Variants in BCAS3 observed in about 807,000 individuals in gnomAD.
The protein encoded by BCAS3 is BCAS3 microtubule associated cell migration factor.
Under a neutral mutation model 116.1 loss-of-function variants are expected in BCAS3, and 53 were observed. The ratio of observed to expected loss-of-function variants is 0.46; its 90% CI spans 0.37 to 0.57. BCAS3 has a LOEUF of 0.57. Among genes scored for constraint, BCAS3 ranks in the 20% least tolerant of loss-of-function variants. The pLI, the probability that BCAS3 is intolerant of heterozygous loss-of-function variation, is 0.00. For missense variants in BCAS3, 917 were observed against 1,165.4 expected, an observed-to-expected ratio of 0.79 and a Z score of 3.10; for synonymous variants, 391 against 408.2, an observed-to-expected ratio of 0.96 and a Z score of 0.51.
In BCAS3 at chr17:61,198,286, G is replaced by A. The variant is rs1269284584; in HGVS notation, c.2425+113722G>A. 2.6e-5 allele frequency among the ~76,000 whole-genome samples: 4 copies of A among 151,784 alleles called. No homozygotes were observed. In the East Asian group the frequency reaches 5.8e-4, roughly 22 times the overall value. On this transcript the variant is annotated intron_variant, in intron 22 of 23. Coordinates refer to ENST00000407086, the MANE Select transcript of BCAS3 (RefSeq NM_017679.5). This position sits in a 1 kb window ranked among gnomAD's most constrained non-coding sequence, Gnocchi z 5.0. ...CTCCCAAGTAGCTGGGACTACAGGC[G>A]CCAGCCACCACACCCAGCTAATTTT...
chr17:61,382,850 A>G (rs2059673296), intron 23 of BCAS3: 1 of 152,314 alleles, frequency 6.6e-6, no homozygotes. Context: ...CCCTCCAGGG[A>G]CCATTCTGCC....
chr17:60,989,996 A>ACTGT lies in BCAS3; in HGVS notation c.1249_1252dup (p.Arg418LeufsTer52). On this transcript the variant is annotated frameshift_variant, in exon 15 of 24. Coordinates refer to ENST00000407086, the MANE Select transcript of BCAS3 (RefSeq NM_017679.5). LOFTEE classifies it high-confidence loss of function. ...GTACAGGACATCTGCTTCAGCCATGACTGTCGCTGGGTTGTGGTCAGTACT... is the reference window on the plus strand; with the variant it reads ...GTACAGGACATCTGCTTCAGCCATGACTGTCTGTCGCTGGGTTGTGGTCAGTACT... The ACTGT allele has an allele frequency of 6.2e-7, 1 of 1,614,154 alleles. No homozygotes were observed. The highest frequency in any genetic ancestry group is 8.5e-7 in the Non-Finnish European group (1 of 1,180,012).
intron 22 of BCAS3, among the ~76,000 whole-genome samples, chr17:61,119,740 A>T (rs2075686493): frequency 6.6e-6 from 1 of 152,080 alleles, no homozygotes; most frequent in South Asian, 2.1e-4. Flanking sequence ...TACAGACAAT[A>T]TAATTTTTTC....
At position 60,811,895 on chromosome 17, in the gene BCAS3, A is replaced by G. The variant is rs2048862260; in HGVS notation, c.476+3819A>G. ...AAACCCTGTCTCTACCAAAAAAAATACAAAAAAATTAGCTGGGCATGATGG... is the reference window on the plus strand; with the variant it reads ...AAACCCTGTCTCTACCAAAAAAAATGCAAAAAAATTAGCTGGGCATGATGG... On this transcript the variant is annotated intron_variant, in intron 7 of 23. Coordinates refer to ENST00000407086, the MANE Select transcript of BCAS3 (RefSeq NM_017679.5). Among the ~76,000 whole-genome samples, 3 of 152,040 alleles carry G rather than the reference A, an allele frequency of 2.0e-5. No homozygotes were observed. The South Asian group carries it at 6.2e-4, about 32-fold the overall frequency.
chr17:61,312,568 T>C (rs1048515472), intron 22 of BCAS3, among the ~76,000 whole-genome samples: 2 of 152,192 alleles, frequency 1.3e-5, no homozygotes, highest in Non-Finnish European at 2.9e-5. Context: ...AACAAACATA[T>C]GTATTGTGGC....
intron 5 of BCAS3, among the ~76,000 whole-genome samples, chr17:60,715,643 A>C (rs2038510513): frequency 6.7e-6 from 1 of 149,472 alleles, no homozygotes; most frequent in African/African-American, 2.5e-5. Context: ...TGCACGCCCC[A>C]TGTCCGGTTA....
chr17:61,084,133 G>A lies in BCAS3; in HGVS notation c.2328-334G>A, dbSNP rs2072888071. On this transcript the variant is annotated intron_variant, in intron 21 of 23. Transcript: ENST00000407086. The surrounding 1 kb of genome is among the most constrained non-coding windows in gnomAD (Gnocchi z 5.5). ...ATGTGTGTCCCTTGGAAATCCCAAA[G>A]GTTTCAGTATAAACATTTTCAGTGT... Among the ~76,000 whole-genome samples the A allele has an allele frequency of 6.6e-6, 1 of 152,132 alleles. No homozygotes were observed. Among genetic ancestry groups the A allele is most frequent in the Non-Finnish European group, 1.5e-5 (1 of 68,026 alleles).
intron 2 of BCAS3, among the ~76,000 whole-genome samples, chr17:60,682,312 A>G (rs2033282122): frequency 6.6e-6 from 1 of 152,184 alleles, no homozygotes. Flanking sequence ...TGTGCTAGGA[A>G]TTGAAGTTGC....
intron 16 of BCAS3, among the ~76,000 whole-genome samples, chr17:61,016,733 A>G (rs1365017437): frequency 6.6e-6 from 1 of 152,212 alleles, no homozygotes; most frequent in Non-Finnish European, 1.5e-5. Flanking sequence ...AGTAGTCAAG[A>G]GAAAACCCTG....
intron 14 of BCAS3, among the ~76,000 whole-genome samples, chr17:60,976,488 G>C (rs931114505): frequency 1.3e-5 from 2 of 151,676 alleles, no homozygotes; most frequent in African/African-American, 4.8e-5. Context: ...TTCTCGGAGA[G>C]GGGGATTTGG....
intron 5 of BCAS3, among the ~76,000 whole-genome samples, chr17:60,745,584 T>G (rs578102981): frequency 2.6e-5 from 4 of 152,116 alleles, no homozygotes; most frequent in Non-Finnish European, 5.9e-5. Flanking sequence ...AATTTTGTTC[T>G]ATAATAATAA....
At chr17:60,917,249 A>G (rs2058822948) in intron 12 of BCAS3, among the ~76,000 whole-genome samples, 1 of 152,202 alleles carries the variant, frequency 6.6e-6, no homozygotes, top group Non-Finnish European at 1.5e-5. Context: ...TACAGGCACT[A>G]TCCCTTTCCA....
Position 61,220,133 on chromosome 17 carries a change from A to G in BCAS3, c.2425+135569A>G, listed in dbSNP as rs767687789. Among the ~76,000 whole-genome samples, 25 of 152,124 alleles carry G rather than the reference A, an allele frequency of 1.6e-4. No homozygotes were observed. The highest frequency in any genetic ancestry group is 2.9e-4 in the Non-Finnish European group (20 of 68,026). The stretch of plus-strand genomic sequence containing the variant: ...ATACAGTGAAATCACGTCTCTACTA[A>G]TAATACAAAAATTAGCCAGGCGTGG... On this transcript the variant is annotated intron_variant, in intron 22 of 23. Coordinates refer to ENST00000407086, the MANE Select transcript of BCAS3 (RefSeq NM_017679.5). The surrounding 1 kb of genome is among the most constrained non-coding windows in gnomAD (Gnocchi z 4.5).
At chr17:60,734,492 G>A (rs1336069919) in intron 5 of BCAS3, among the ~76,000 whole-genome samples, 1 of 152,140 alleles carries the variant, frequency 6.6e-6, no homozygotes, top group African/African-American at 2.4e-5. Flanking sequence ...AATCCATTTG[G>A]AGTTAATTTT....
intron 6 of BCAS3, among the ~76,000 whole-genome samples, chr17:60,791,995 C>T (rs1190478901): frequency 2.0e-5 from 3 of 152,036 alleles, no homozygotes; most frequent in Admixed American, 6.5e-5. Context: ...TGGTGACAAG[C>T]GCCTGTTATC....
chr17:61,259,946 G>C lies in BCAS3; in HGVS notation c.2426-108381G>C, dbSNP rs1413980322. 1.3e-5 allele frequency among the ~76,000 whole-genome samples: 2 copies of C among 152,212 alleles called. No homozygotes were observed. The highest frequency in any genetic ancestry group is 2.1e-4 in the South Asian group (1 of 4,830). ...AATAGCCACTATTTATTGAATTGCT[G>C]TGTGAGGTAGGCGTTGTACAGGCTG... On this transcript the variant is annotated intron_variant, in intron 22 of 23. Transcript: ENST00000407086. The surrounding 1 kb of genome is among the most constrained non-coding windows in gnomAD (Gnocchi z 4.7).
intron 11 of BCAS3, among the ~76,000 whole-genome samples, chr17:60,905,092 G>A (rs938668855): frequency 2.0e-5 from 3 of 152,044 alleles, no homozygotes; most frequent in African/African-American, 7.2e-5. Context: ...AATATTTGCA[G>A]AAAAACAGCA....
At chr17:61,218,059 C>T (rs2081905618) in intron 22 of BCAS3, among the ~76,000 whole-genome samples, 1 of 152,164 alleles carries the variant, frequency 6.6e-6, no homozygotes, top group Admixed American at 6.5e-5. Context: ...TATTGTATCA[C>T]AATCTCAATC....
In BCAS3 at chr17:61,095,951, C is replaced by T. The variant is rs949320177; in HGVS notation, c.2425+11387C>T. 6.6e-6 allele frequency among the ~76,000 whole-genome samples: 1 copy of T among 151,854 alleles called. No individual in the cohort carries two copies. Among genetic ancestry groups the T allele is most frequent in the African/African-American group, 2.4e-5 (1 of 41,306 alleles). ...TTGGGATTTCATTGAATCTGTATATCAAATTTGGAAGTATTGACATCTTAA... is the reference window on the plus strand; with the variant it reads ...TTGGGATTTCATTGAATCTGTATATTAAATTTGGAAGTATTGACATCTTAA... On this transcript the variant is annotated intron_variant, in intron 22 of 23. Transcript: ENST00000407086. The surrounding 1 kb of genome is among the most constrained non-coding windows in gnomAD (Gnocchi z 4.7).
Sources: gnomAD v4.1 joint callset for allele counts (sites outside exome capture counted in the v4.1 genomes callset) on GRCh38, gnomAD v4.1.1 for gene constraint, Gnocchi (gnomAD v3.1) non-coding constraint, MANE v1.5 for transcripts, NCBI Gene and HGNC (gene_info 2026-07-23, HGNC 2026-07-21) for gene names.